DYNC1I1: variants seen among roughly 807,000 people sequenced by gnomAD.
DYNC1I1 encodes cytoplasmic dynein 1 intermediate chain 1.
A neutral mutation model predicts 86.6 loss-of-function variants in DYNC1I1; 43 were observed. The observed-to-expected ratio is 0.50, with a 90% CI of 0.39 to 0.64. DYNC1I1 has a LOEUF of 0.64. DYNC1I1 is among the 30% of genes least tolerant of loss of function. The pLI is 0.00. For synonymous variants in DYNC1I1, 262 were observed against 283.7 expected, an observed-to-expected ratio of 0.92 and a Z score of 0.77; for missense variants, 604 against 788.8, an observed-to-expected ratio of 0.77 and a Z score of 2.81.
At chr7:95,933,373 A>G (rs1791953888) in intron 6 of DYNC1I1, among the ~76,000 whole-genome samples, 1 of 152,168 alleles carries the variant, frequency 6.6e-6, no homozygotes, top group Non-Finnish European at 1.5e-5. Context: ...GTTCATGTGT[A>G]TTAAAGTATC....
chr7:95,911,920 G>A (rs1302465436), intron 6 of DYNC1I1, among the ~76,000 whole-genome samples: 1 of 152,230 alleles, frequency 6.6e-6, no homozygotes, highest in Non-Finnish European at 1.5e-5. Context: ...GAAGACTTCA[G>A]AGATGATAAA....
chr7:95,895,724 C>CA (rs59501561), intron 6 of DYNC1I1, among the ~76,000 whole-genome samples: 61 of 149,926 alleles, frequency 4.1e-4, no homozygotes, highest in African/African-American at 5.9e-4. Flanking sequence ...AAGTCATTAG[C>CA]AAAAAAAAAG....
At chr7:96,006,859 A>G (rs1794154499) in intron 10 of DYNC1I1, among the ~76,000 whole-genome samples, 1 of 152,216 alleles carries the variant, frequency 6.6e-6, no homozygotes, top group South Asian at 2.1e-4. Context: ...GTAATTAAAC[A>G]TCTGGGACCT....
intron 14 of DYNC1I1, among the ~76,000 whole-genome samples, chr7:96,065,294 C>G (rs897729932): frequency 4.6e-5 from 7 of 152,078 alleles, no homozygotes; most frequent in African/African-American, 1.7e-4. Flanking sequence ...CTCTCTTCTA[C>G]TCTCTCAGCC....
intron 6 of DYNC1I1, among the ~76,000 whole-genome samples, chr7:95,875,313 A>G (rs1790281873): frequency 6.6e-6 from 1 of 152,182 alleles, no homozygotes; most frequent in South Asian, 2.1e-4. Context: ...AATATTTATT[A>G]TGTGTTCAGC....
chr7:96,109,265 A>G (rs539494746), intron 16 of DYNC1I1, among the ~76,000 whole-genome samples: 4 of 151,436 alleles, frequency 2.6e-5, no homozygotes, highest in Admixed American at 2.0e-4. Flanking sequence ...CACAATGTGC[A>G]GGTTTGTTAC....
chr7:95,787,686 A>G (rs770940949), intron 1 of DYNC1I1, among the ~76,000 whole-genome samples: 1 of 152,232 alleles, frequency 6.6e-6, no homozygotes, highest in Non-Finnish European at 1.5e-5. Flanking sequence ...CAATATGGAC[A>G]AAATCTATGC....
In DYNC1I1 at chr7:96,050,968, C is replaced by G. The variant is rs550913541; in HGVS notation, c.1509+11547C>G. On this transcript the variant is annotated intron_variant, in intron 14 of 16. Transcript: ENST00000447467. ...TCTTACCTTTTACTGTATCTTAGCACATTAAATTTCCTGTCCATCAAAACA... is the reference window on the plus strand; with the variant it reads ...TCTTACCTTTTACTGTATCTTAGCAGATTAAATTTCCTGTCCATCAAAACA... 5.8e-4 allele frequency among the ~76,000 whole-genome samples: 88 copies of G among 152,252 alleles called. 1 individual carries two copies. Among genetic ancestry groups the G allele is most frequent in the Non-Finnish European group, 1.0e-4 (7 of 68,018 alleles).
intron 14 of DYNC1I1, among the ~76,000 whole-genome samples, chr7:96,069,954 T>C (rs1375247549): frequency 6.6e-6 from 1 of 152,214 alleles, no homozygotes; most frequent in Admixed American, 6.5e-5. Flanking sequence ...TTAAAGTCCT[T>C]GCCTAATTTT....
intron 5 of DYNC1I1, among the ~76,000 whole-genome samples, chr7:95,856,487 C>T (rs1357160494): frequency 6.6e-6 from 1 of 151,832 alleles, no homozygotes; most frequent in Non-Finnish European, 1.5e-5. Flanking sequence ...TTAATGAAAA[C>T]ATTTTGGTGT....
chr7:95,977,022 T>G (rs1010251136), intron 6 of DYNC1I1, among the ~76,000 whole-genome samples: 1 of 152,220 alleles, frequency 6.6e-6, no homozygotes, highest in Non-Finnish European at 1.5e-5. Flanking sequence ...CCTTGGTTGT[T>G]TACTTGCCAA....
At chr7:95,789,184 C>T (rs1017903208) in intron 1 of DYNC1I1, among the ~76,000 whole-genome samples, 3 of 152,170 alleles carry the variant, frequency 2.0e-5, no homozygotes, top group Admixed American at 2.0e-4. Flanking sequence ...CATTCGTGTA[C>T]AAAATGCTGT....
In DYNC1I1 at chr7:96,018,331, G is replaced by T. The variant is rs150428267; in HGVS notation, c.970-9844G>T. Among the ~76,000 whole-genome samples the T allele has an allele frequency of 3.1e-3, 473 of 152,324 alleles. 2 individuals are homozygous for T. Among genetic ancestry groups the T allele is most frequent in the African/African-American group, 0.011 (443 of 41,572 alleles). On this transcript the variant is annotated intron_variant, in intron 10 of 16. Coordinates refer to ENST00000447467, the MANE Select transcript of DYNC1I1 (RefSeq NM_001135556.2). The stretch of plus-strand genomic sequence containing the variant: ...TGGTGTCAAAGTCAGCCAAGCTGTG[G>T]TTCAAATCTGGACTTTGCCACTTAC...
At chr7:96,021,231 A>T (rs771436208) in intron 10 of DYNC1I1, among the ~76,000 whole-genome samples, 2 of 152,192 alleles carry the variant, frequency 1.3e-5, no homozygotes, top group Non-Finnish European at 2.9e-5. Flanking sequence ...TCCCTCAAAT[A>T]TGCAAACAAA....
chr7:95,945,662 A>G, intron 6 of DYNC1I1, among the ~76,000 whole-genome samples: 1 of 151,536 alleles, frequency 6.6e-6, no homozygotes, highest in East Asian at 1.9e-4. Flanking sequence ...AACATCAGGT[A>G]TTTTATGACC....
intron 10 of DYNC1I1, among the ~76,000 whole-genome samples, chr7:96,013,715 T>C (rs1009146045): frequency 2.0e-5 from 3 of 152,116 alleles, no homozygotes; most frequent in Non-Finnish European, 2.9e-5. Context: ...GGCCTTGGCC[T>C]CCCAAAGTGC....
At chr7:96,065,826 C>T (rs1789966388) in intron 14 of DYNC1I1, among the ~76,000 whole-genome samples, 1 of 152,204 alleles carries the variant, frequency 6.6e-6, no homozygotes, top group Non-Finnish European at 1.5e-5. Context: ...GACTCAAATG[C>T]ACTGTGTTTA....
intron 6 of DYNC1I1, among the ~76,000 whole-genome samples, chr7:95,952,817 G>T (rs574881150): frequency 5.3e-5 from 8 of 151,998 alleles, no homozygotes; most frequent in African/African-American, 1.7e-4. Context: ...TTTATGCATT[G>T]TGTTGCCCTG....
chr7:96,074,522 G>T (rs977748833), intron 14 of DYNC1I1, among the ~76,000 whole-genome samples: 23 of 136,586 alleles, frequency 1.7e-4, no homozygotes, highest in African/African-American at 6.0e-4. Flanking sequence ...CTGCACTCCA[G>T]CCTGGGCGAC....
Sources: allele counts gnomAD v4.1 joint callset (sites outside exome capture counted in the v4.1 genomes callset), GRCh38; gene constraint gnomAD v4.1.1; transcripts MANE v1.5; gene names NCBI Gene and HGNC (gene_info 2026-07-23, HGNC 2026-07-21).